The following SEPTIN1 variants were observed in gnomAD, a reference collection of about 807,000 sequenced individuals.
SEPTIN1 encodes the protein septin 1, also known as septin-1.
A neutral mutation model predicts 50.7 loss-of-function variants in SEPTIN1; 52 were observed. That is an observed-to-expected ratio of 1.03 (90% CI 0.82 to 1.29). SEPTIN1 has a LOEUF of 1.29. Among genes scored for constraint, SEPTIN1 ranks in the 50% most tolerant of loss-of-function variants. SEPTIN1 has a pLI of 0.00. For synonymous variants in SEPTIN1, 204 were observed against 189.1 expected (o/e 1.08, Z -0.65); for missense variants, 455 against 490.7 (o/e 0.93, Z 0.69).
chr16:30,379,514 G>T lies in SEPTIN1; in HGVS notation c.696C>A (p.Val232=). The part of the protein sequence containing the change: ...AEMKESIPFA[V]VGSCEVVRDG... ...CCCTCACCACCTCGCATGATCCCACGACTGCAAAAGGGATGCTTTCCTGGA... is the reference window on the plus strand; with the variant it reads ...CCCTCACCACCTCGCATGATCCCACTACTGCAAAAGGGATGCTTTCCTGGA... The change falls in exon 8 of 11, where the codon GTC becomes GTA. Residue 232 remains valine (V), a synonymous_variant. Coordinates refer to ENST00000321367, the MANE Select transcript of SEPTIN1 (RefSeq NM_001365977.2). The T allele has an allele frequency of 2.5e-6, 4 of 1,613,714 alleles. No individual in the cohort carries two copies. In the South Asian group the frequency reaches 4.4e-5, roughly 18 times the overall value.
At chr16:30,382,664 G>A, upstream of SEPTIN1, 1 of 1,534,380 alleles carries the variant, frequency 6.5e-7, no homozygotes, top group South Asian at 1.2e-5. The surrounding 1 kb of genome is among the most constrained non-coding windows in gnomAD (Gnocchi z 4.8). Flanking sequence ...AGAGAGGTGG[G>A]GAAGGCCAAG....
In SEPTIN1 at chr16:30,382,100, C is replaced by T. The variant is rs916828494; in HGVS notation, c.189G>A (p.Glu63=). 2.3e-5 allele frequency: 37 copies of T among 1,579,586 alleles called. No individual in the cohort carries two copies. The Admixed American group carries it at 3.7e-4, about 16-fold the overall frequency. ...GGGTGGGGAGGGTCTTACCACTGGC[C>T]TCTGGCACCTGGCGATCCTCATAGA... ...TNLYEDRQVP[E]ASARLTQTLA... is the part of the protein sequence containing the mutation. Residue 63 remains glutamate, a synonymous_variant, in exon 3 of 11, where the codon GAG becomes GAA. Transcript: ENST00000321367. This position sits in a 1 kb window ranked among gnomAD's most constrained non-coding sequence, Gnocchi z 4.8.
In SEPTIN1 at chr16:30,381,600, T is replaced by TG. The variant is rs1327501593; in HGVS notation, c.321-128dup. Reference sequence around the variant, plus strand: ...CTCCAAAGACATTAAGGGGAACTGGTGGGGGCCTAGGTGAGTCATCAAGAA... The same window carrying TG: ...CTCCAAAGACATTAAGGGGAACTGGTGGGGGGCCTAGGTGAGTCATCAAGAA... On this transcript the variant is annotated intron_variant, in intron 4 of 10. Transcript: ENST00000321367. The surrounding 1 kb of genome is among the most constrained non-coding windows in gnomAD (Gnocchi z 4.3). The TG allele has an allele frequency of 6.8e-7, 1 of 1,462,882 alleles. No individual in the cohort carries two copies. The highest frequency in any genetic ancestry group is 1.4e-5 in the African/African-American group (1 of 71,596). 90.6% of individuals were successfully genotyped at this position (1,462,882 alleles called of 1,614,324 possible). A position where few individuals can be genotyped will look rare whatever the true frequency, so the allele number is the denominator to read the frequency against.
At chr16:30,380,951 A>G in intron 6 of SEPTIN1, 176 bp downstream of exon 6, 1 of 671,990 alleles carries the variant, frequency 1.5e-6, no homozygotes, top group African/African-American at 1.8e-5. Context: ...GCCTATTTTG[A>G]GCCTTCAGAG....
At chr16:30,378,861 A>AGGGAGAGG (rs1567422693) in intron 9 of SEPTIN1, among the ~76,000 whole-genome samples, 157 bp downstream of exon 9, 3 of 86,910 alleles carry the variant, frequency 3.5e-5, no homozygotes, top group South Asian at 4.4e-4. Context: ...AGGGGGAGAG[A>AGGGAGAGG]GGGAGAGACG....
At chr16:30,382,757 C>T, upstream of SEPTIN1, 2 of 1,536,176 alleles carry the variant, frequency 1.3e-6, no homozygotes, top group Non-Finnish European at 1.7e-6. The surrounding 1 kb of genome is among the most constrained non-coding windows in gnomAD (Gnocchi z 4.8). Flanking sequence ...ATCCTTCACA[C>T]ATCTGGATTC....
At position 30,382,369 on chromosome 16, in the gene SEPTIN1, T is replaced by C; in HGVS notation, c.19-4A>G. On this transcript the variant is annotated splice_polypyrimidine_tract_variant and splice_region_variant and intron_variant, in intron 1 of 10. Transcript: ENST00000321367. This position sits in a 1 kb window ranked among gnomAD's most constrained non-coding sequence, Gnocchi z 4.8. ...CAAAACCCACGTACTCCTTGTCCTA[T>C]GGATGGGGGTGGACAATATGAGGCT... 1 of 1,606,678 alleles carries C rather than the reference T, an allele frequency of 6.2e-7. No individual in the cohort carries two copies. The highest frequency in any genetic ancestry group is 8.5e-7 in the Non-Finnish European group (1 of 1,175,510).
chr16:30,378,976 C>T, intron 9 of SEPTIN1, 42 bp downstream of exon 9: 1 of 1,586,684 alleles, frequency 6.3e-7, no homozygotes. Context: ...ATGGGTGAGG[C>T]GGGACCTTGG....
rs1419467678 is a variant in SEPTIN1 at position 30,379,719 on chromosome 16, G to A, written c.676-185C>T. 2 of 537,472 alleles carry A rather than the reference G, an allele frequency of 3.7e-6. 1 individual carries two copies. Among genetic ancestry groups the A allele is most frequent in the African/African-American group, 4.6e-5 (2 of 43,534 alleles). The allele number at this position is 537,472 out of a possible 1,614,324, so 33.3% of individuals were successfully genotyped here. A position where few individuals can be genotyped will look rare whatever the true frequency, so the allele number is the denominator to read the frequency against. On this transcript the variant is annotated intron_variant, in intron 7 of 10. Coordinates refer to ENST00000321367, the MANE Select transcript of SEPTIN1 (RefSeq NM_001365977.2). The stretch of plus-strand genomic sequence containing the variant: ...GCTGGAGTGTTCAAGTGATTCTCCT[G>A]CCTCAGCCTCCCGAGTAGCTGGAAT...
chr16:30,379,110 T>C lies in SEPTIN1; in HGVS notation c.849A>G (p.Lys283=), dbSNP rs1275185429. 1.2e-6 allele frequency: 2 copies of C among 1,613,968 alleles called. No homozygotes were observed. Among genetic ancestry groups the C allele is most frequent in the African/African-American group, 2.7e-5 (2 of 74,898 alleles). The part of the protein sequence containing the change: ...MLVQTHLQDL[K]EVTHDLLYEG... Reference sequence around the variant, plus strand: ...CGTAGAGCAGATCGTGCGTCACCTCTTTCAGGTCCTGCAGGTGTGTCTGCA... The same window carrying C: ...CGTAGAGCAGATCGTGCGTCACCTCCTTCAGGTCCTGCAGGTGTGTCTGCA... The change falls in exon 9 of 11, where the codon AAA becomes AAG. Residue 283 remains lysine, a synonymous_variant. Transcript: ENST00000321367.
At position 30,382,171 on chromosome 16, in the gene SEPTIN1, C is replaced by T; in HGVS notation, c.118G>A (p.Gly40Ser). ...TTGATGAGGGTGGATTTCCCTAGGC[C>T]TGACTCCCCTGTGGACAGAACAGGC... ...DFTLMVAGES[G>S]LGKSTLINSL... The change falls in exon 3 of 11, where the codon GGC (glycine) becomes AGC (serine). Residue 40 changes from glycine to serine, a missense_variant. Gly to Ser is a moderately conservative substitution (Grantham distance 56, BLOSUM62 0). Transcript: ENST00000321367. This position sits in a 1 kb window ranked among gnomAD's most constrained non-coding sequence, Gnocchi z 4.8. The T allele has an allele frequency of 6.2e-7, 1 of 1,609,138 alleles. No homozygotes were observed. The highest frequency in any genetic ancestry group is 8.5e-7 in the Non-Finnish European group (1 of 1,177,808).
chr16:30,380,091 T>C, intron 6 of SEPTIN1, 58 bp from the exon 7 acceptor site: 1 of 1,437,370 alleles, frequency 7.0e-7, no homozygotes. Context: ...AGACATTTCA[T>C]GACCAGAGAC....
chr16:30,381,160 C>A lies in SEPTIN1; in HGVS notation c.540G>T (p.Leu180=). The A allele has an allele frequency of 6.2e-7, 1 of 1,614,112 alleles. No homozygotes were observed. The highest frequency in any genetic ancestry group is 1.1e-5 in the South Asian group (1 of 91,076). Residue 180 remains leucine (L), a synonymous_variant, in exon 6 of 11, where the codon CTG becomes CTT. Coordinates refer to ENST00000321367, the MANE Select transcript of SEPTIN1 (RefSeq NM_001365977.2). The surrounding 1 kb of genome is among the most constrained non-coding windows in gnomAD (Gnocchi z 4.3). ...IIPVIGKADA[L]MPQETQALKQ... ...TGAGGGCCTGGGTTTCCTGGGGCAT[C>A]AGAGCATCCGCTTTGCCAATGACTG...
intron 7 of SEPTIN1, 104 bp from the exon 8 acceptor site, chr16:30,379,638 C>CTATTTT: frequency 1.4e-5 from 4 of 295,652 alleles, no homozygotes; most frequent in African/African-American, 4.6e-5. Flanking sequence ...CTGCCCCTTC[C>CTATTTT]TCTTTTTTTT....
Position 30,378,135 on chromosome 16 carries a change from T to C in SEPTIN1, c.*299A>G. The C allele has an allele frequency of 1.4e-6, 1 of 724,606 alleles. No homozygotes were observed. The highest frequency in any genetic ancestry group is 2.1e-5 in the Admixed American group (1 of 48,494). The allele number at this position is 724,606 out of a possible 1,614,324, so 44.9% of individuals were successfully genotyped here. On this transcript the variant is annotated 3_prime_UTR_variant, in exon 11 of 11. Coordinates refer to ENST00000321367, the MANE Select transcript of SEPTIN1 (RefSeq NM_001365977.2). Reference sequence around the variant, plus strand: ...TCCGCAAGGAAGGAGAAGGCTCGCGTGGCCGCGGGAAGCTCAGTTTTTATT... The same window carrying C: ...TCCGCAAGGAAGGAGAAGGCTCGCGCGGCCGCGGGAAGCTCAGTTTTTATT...
chr16:30,380,808 T>A, intron 6 of SEPTIN1: 1 of 377,192 alleles, frequency 2.7e-6, no homozygotes, highest in Non-Finnish European at 4.9e-6. Flanking sequence ...GAGAGAGATA[T>A]AAGCAGAAAC....
At chr16:30,379,242 G>C in intron 8 of SEPTIN1, 59 bp from the exon 9 acceptor site, 1 of 1,594,602 alleles carries the variant, frequency 6.3e-7, no homozygotes, top group South Asian at 1.1e-5. Context: ...CAACCCACCC[G>C]TAAGGGTCGG....
chr16:30,382,051 G>A lies in SEPTIN1; in HGVS notation c.196+42C>T, dbSNP rs1567426168. 4.4e-6 allele frequency: 7 copies of A among 1,585,106 alleles called. No homozygotes were observed. Among genetic ancestry groups the A allele is most frequent in the Non-Finnish European group, 6.0e-6 (7 of 1,163,686 alleles). ...ATGGAAAAGACTAGGGTGTAACCTG[G>A]GGACAGGGGCTACTGCCTCAAGAGG... On this transcript the variant is annotated intron_variant, in intron 3 of 10. Transcript: ENST00000321367. The surrounding 1 kb of genome is among the most constrained non-coding windows in gnomAD (Gnocchi z 4.8).
rs759243307 is a variant in SEPTIN1, at chr16:30,381,331, C to A, written c.455+8G>T. On this transcript the variant is annotated splice_region_variant and intron_variant, in intron 5 of 10. Transcript: ENST00000321367. This position sits in a 1 kb window ranked among gnomAD's most constrained non-coding sequence, Gnocchi z 4.3. ...AATGCGCCAGCCCCCAGGATCCCCC[C>A]ACCAGACCCCCGGCCGAAGGGTGAG... 2 of 1,613,386 alleles carry A rather than the reference C, an allele frequency of 1.2e-6. No individual in the cohort carries two copies. Among genetic ancestry groups the A allele is most frequent in the Admixed American group, 1.7e-5 (1 of 59,970 alleles).
Sources: allele counts gnomAD v4.1 joint callset (sites outside exome capture counted in the v4.1 genomes callset), GRCh38; gene constraint gnomAD v4.1.1; non-coding constraint Gnocchi (gnomAD v3.1); transcripts MANE v1.5; gene names NCBI Gene and HGNC (gene_info 2026-07-23, HGNC 2026-07-21).